Variants in RAB30 observed in about 807,000 individuals in gnomAD.
The protein encoded by RAB30 is ras-related protein Rab-30.
A neutral mutation model predicts 25.1 loss-of-function variants in RAB30; 9 were observed. That is an observed-to-expected ratio of 0.36 (90% confidence interval 0.22 to 0.63). RAB30 has a LOEUF of 0.63. Ranked by LOEUF, RAB30 falls within the 20% of genes least tolerant of loss-of-function variation. The pLI, the probability that RAB30 is intolerant of heterozygous loss-of-function variation, is 0.69. For synonymous variants in RAB30, 77 were observed against 86.4 expected (o/e 0.89, Z 0.60); for missense variants, 140 against 243.5 (o/e 0.58, Z 2.83).
Position 82,995,738 on chromosome 11 carries a change from G to C in RAB30, c.93+1486C>G, listed in dbSNP as rs138140983. On this transcript the variant is annotated intron_variant, in intron 2 of 4. Coordinates refer to ENST00000527633, the MANE Select transcript of RAB30 (RefSeq NM_001286060.2). ...TTAAAGAGAATGGTCTCAGAAGTTA[G>C]AATGTATAGGAGACAAATTATCAGG... 8.1e-4 allele frequency among the ~76,000 whole-genome samples: 124 copies of C among 152,314 alleles called. 1 individual carries two copies. Among genetic ancestry groups the C allele is most frequent in the Middle Eastern group, 3.4e-3 (1 of 294 alleles).
In RAB30 at chr11:82,981,578, A is replaced by G. The variant is rs1856638437; in HGVS notation, c.*587T>C. Reference sequence around the variant, plus strand: ...GGAGCTTGTATATATTATTAAAACAATGATTGTTACTGTTGGTCATGGGTA... The same window carrying G: ...GGAGCTTGTATATATTATTAAAACAGTGATTGTTACTGTTGGTCATGGGTA... On this transcript the variant is annotated 3_prime_UTR_variant, in exon 5 of 5. Coordinates refer to ENST00000527633, the MANE Select transcript of RAB30 (RefSeq NM_001286060.2). 6.5e-6 allele frequency: 1 copy of G among 153,106 alleles called. No homozygotes were observed. Among genetic ancestry groups the G allele is most frequent in the Admixed American group, 6.5e-5 (1 of 15,328 alleles). 9.5% of individuals were successfully genotyped at this position (153,106 alleles called of 1,614,324 possible).
At chr11:83,045,326 T>G (rs1858211772) in intron 1 of RAB30, among the ~76,000 whole-genome samples, 1 of 152,124 alleles carries the variant, frequency 6.6e-6, no homozygotes, top group Non-Finnish European at 1.5e-5. Flanking sequence ...AGATAAGATC[T>G]TGCCATCTTG....
At chr11:83,034,683 C>T (rs941291759) in intron 1 of RAB30, 6 of 152,200 alleles carry the variant, frequency 3.9e-5, no homozygotes, top group African/African-American at 1.4e-4. Context: ...ATTTCAGATA[C>T]TCCAGAACCA....
chr11:83,045,982 A>G (rs1754334486), intron 1 of RAB30, among the ~76,000 whole-genome samples: 1 of 152,226 alleles, frequency 6.6e-6, no homozygotes, highest in African/African-American at 2.4e-5. Context: ...AGGCTCTATG[A>G]TTGATCTTAC....
At chr11:83,021,970 A>G (rs976542199) in intron 1 of RAB30, among the ~76,000 whole-genome samples, 1 of 152,194 alleles carries the variant, frequency 6.6e-6, no homozygotes, top group African/African-American at 2.4e-5. Flanking sequence ...ATTTCATTAG[A>G]TCATCCACAT....
chr11:82,999,122 T>C (rs1590843160), intron 1 of RAB30, among the ~76,000 whole-genome samples: 1 of 152,230 alleles, frequency 6.6e-6, no homozygotes, highest in Non-Finnish European at 1.5e-5. Context: ...TGTACAAGAA[T>C]CTGGGTCCAT....
At chr11:83,047,495 TG>T (rs1858257795) in intron 1 of RAB30, among the ~76,000 whole-genome samples, 1 of 152,220 alleles carries the variant, frequency 6.6e-6, no homozygotes, top group Admixed American at 6.5e-5. Context: ...CCTCTATTGT[TG>T]TTAAAAATAC....
intron 1 of RAB30, among the ~76,000 whole-genome samples, chr11:83,011,541 C>T (rs1016389149): frequency 2.6e-5 from 4 of 152,026 alleles, no homozygotes; most frequent in East Asian, 1.9e-4. Flanking sequence ...AAGAACATGG[C>T]GAGTACTGTG....
At chr11:83,009,635 A>AAATAT (rs1349395424) in intron 1 of RAB30, among the ~76,000 whole-genome samples, 4 of 152,166 alleles carry the variant, frequency 2.6e-5, no homozygotes, top group Non-Finnish European at 5.9e-5. Flanking sequence ...AAATAAAATA[A>AAATAT]AAACAAATAA....
intron 3 of RAB30, among the ~76,000 whole-genome samples, chr11:82,988,230 T>C (rs1856779661): frequency 6.6e-6 from 1 of 152,180 alleles, no homozygotes; most frequent in Non-Finnish European, 1.5e-5. Flanking sequence ...CAGCATCTCA[T>C]AGCCAATATG....
intron 1 of RAB30, among the ~76,000 whole-genome samples, chr11:83,035,048 G>A (rs747495557): frequency 1.1e-4 from 16 of 151,302 alleles, no homozygotes; most frequent in South Asian, 2.1e-4. Flanking sequence ...ATTTTTACAT[G>A]CACCGTATCA....
At chr11:83,061,823 T>C (rs886329952) in intron 1 of RAB30, among the ~76,000 whole-genome samples, 5 of 150,966 alleles carry the variant, frequency 3.3e-5, no homozygotes, top group Non-Finnish European at 5.9e-5. Flanking sequence ...GGACTACCAG[T>C]GTGCACCACA....
At chr11:83,021,056 TC>T (rs1263391613) in intron 1 of RAB30, among the ~76,000 whole-genome samples, 2 of 152,118 alleles carry the variant, frequency 1.3e-5, no homozygotes, top group African/African-American at 4.8e-5. Context: ...AGCTATCCTC[TC>T]CGCTAGGAGT....
chr11:83,049,488 G>GT (rs71463145), intron 1 of RAB30, among the ~76,000 whole-genome samples: 30,274 of 144,088 alleles, frequency 0.21, 3,820 homozygotes, highest in Admixed American at 0.27. Context: ...CAGTTTTTGT[G>GT]TTTTTTTTTT....
chr11:83,055,244 T>C (rs1413101748), intron 1 of RAB30, among the ~76,000 whole-genome samples: 1 of 152,244 alleles, frequency 6.6e-6, no homozygotes, highest in African/African-American at 2.4e-5. Flanking sequence ...ACTATGTAAA[T>C]GTTTACTGAA....
intron 1 of RAB30, among the ~76,000 whole-genome samples, chr11:83,067,473 C>T (rs1158563798): frequency 6.6e-6 from 1 of 152,174 alleles, no homozygotes; most frequent in Non-Finnish European, 1.5e-5. Context: ...TACACATGGA[C>T]AGCAAGAGTG....
At chr11:83,049,457 A>G (rs1590875083) in intron 1 of RAB30, among the ~76,000 whole-genome samples, 1 of 125,408 alleles carries the variant, frequency 8.0e-6, no homozygotes, top group African/African-American at 2.9e-5. Flanking sequence ...TCTGGGGGGC[A>G]GAGGCGGGGG....
At chr11:83,048,987 T>C (rs1029601244) in intron 1 of RAB30, among the ~76,000 whole-genome samples, 3 of 152,124 alleles carry the variant, frequency 2.0e-5, no homozygotes, top group Non-Finnish European at 4.4e-5. Flanking sequence ...AAGAACCACA[T>C]GGTTAAAAAG....
intron 1 of RAB30, among the ~76,000 whole-genome samples, chr11:83,015,877 C>T (rs1441356360): frequency 2.0e-5 from 3 of 152,294 alleles, no homozygotes; most frequent in African/African-American, 7.2e-5. Flanking sequence ...GTAGCTCATG[C>T]CTGTAATCTC....
Sources: allele counts gnomAD v4.1 joint callset (sites outside exome capture counted in the v4.1 genomes callset), GRCh38; gene constraint gnomAD v4.1.1; transcripts MANE v1.5; gene names NCBI Gene and HGNC (gene_info 2026-07-23, HGNC 2026-07-21).